The following PBX1 variants were observed in gnomAD, a reference collection of about 807,000 sequenced individuals.
PBX1 encodes PBX homeobox 1, also known as pre-B-cell leukemia transcription factor 1.
Under a neutral mutation model 53.4 loss-of-function variants are expected in PBX1, and 6 were observed. The observed-to-expected ratio is 0.11, with a 90% CI of 0.06 to 0.22. The LOEUF is 0.22. Ranked by LOEUF, PBX1 falls within the 10% of genes least tolerant of loss-of-function variation. The pLI is 1.00. For missense variants in PBX1, 251 were observed against 551.4 expected, an observed-to-expected ratio of 0.46 and a Z score of 5.46; for synonymous variants, 204 against 212.3, an observed-to-expected ratio of 0.96 and a Z score of 0.34.
intron 1 of PBX1, among the ~76,000 whole-genome samples, chr1:164,560,833 C>A (rs561309259): frequency 6.6e-6 from 1 of 152,258 alleles, no homozygotes; most frequent in South Asian, 2.1e-4. Flanking sequence ...ATCAAGCATG[C>A]TCTTTTCCCC....
intron 2 of PBX1, among the ~76,000 whole-genome samples, chr1:164,609,123 A>G (rs546631374): frequency 6.6e-6 from 1 of 152,180 alleles, no homozygotes; most frequent in Non-Finnish European, 1.5e-5. Context: ...CAGAGGTGTC[A>G]GACTTTTCAG....
chr1:164,629,765 A>T (rs1447133731), intron 2 of PBX1, among the ~76,000 whole-genome samples: 1 of 152,230 alleles, frequency 6.6e-6, no homozygotes, highest in Non-Finnish European at 1.5e-5. Flanking sequence ...TCATCTGGCA[A>T]ATGTGGACAG....
intron 3 of PBX1, among the ~76,000 whole-genome samples, chr1:164,793,872 C>CTTTTTTTTTT (rs72414989): frequency 3.1e-4 from 24 of 78,208 alleles, no homozygotes; most frequent in Non-Finnish European, 4.7e-4. Flanking sequence ...TTTTTCCTTT[C>CTTTTTTTTTT]TTTTTTTTTT....
At chr1:164,819,495 A>T (rs1337604330) in intron 6 of PBX1, 2 of 152,140 alleles carry the variant, frequency 1.3e-5, no homozygotes, top group African/African-American at 4.8e-5. Flanking sequence ...AAGAAATTTC[A>T]CCTTCATTTT....
At chr1:164,604,328 T>C (rs924617473) in intron 2 of PBX1, among the ~76,000 whole-genome samples, 8 of 152,234 alleles carry the variant, frequency 5.3e-5, no homozygotes, top group African/African-American at 1.9e-4. Context: ...GACCACACTA[T>C]GTTTGGTTGC....
chr1:164,835,370 G>T (rs1670987347), intron 8 of PBX1, among the ~76,000 whole-genome samples: 1 of 151,738 alleles, frequency 6.6e-6, no homozygotes, highest in African/African-American at 2.4e-5. Flanking sequence ...CAAAGGGTAT[G>T]CATAAGTTTA....
chr1:164,762,950 A>G (rs772767564), intron 2 of PBX1, among the ~76,000 whole-genome samples: 12 of 152,224 alleles, frequency 7.9e-5, no homozygotes, highest in Non-Finnish European at 1.5e-5. Context: ...CTGTACTAAT[A>G]TTGGTATAAT....
At chr1:164,726,293 G>A (rs1201344280) in intron 2 of PBX1, among the ~76,000 whole-genome samples, 1 of 152,156 alleles carries the variant, frequency 6.6e-6, no homozygotes, top group East Asian at 1.9e-4. Context: ...GTCTTTCCCT[G>A]CCATGGGTTT....
At chr1:164,768,002 C>G (rs937493387) in intron 2 of PBX1, among the ~76,000 whole-genome samples, 1 of 148,422 alleles carries the variant, frequency 6.7e-6, no homozygotes, top group African/African-American at 2.5e-5. Context: ...TCCATATATA[C>G]TTTTTTTTTT....
intron 2 of PBX1, among the ~76,000 whole-genome samples, chr1:164,606,601 A>G (rs755320694): frequency 1.5e-4 from 23 of 152,180 alleles, no homozygotes; most frequent in African/African-American, 3.9e-4. Context: ...GTATAAATCT[A>G]TGATATCTGA....
chr1:164,863,335 T>A (rs1001025185), intron 2 of PBX1, among the ~76,000 whole-genome samples: 4 of 152,212 alleles, frequency 2.6e-5, no homozygotes, highest in Non-Finnish European at 5.9e-5. Context: ...GATGTTTATT[T>A]CTTAAAGTCC....
intron 2 of PBX1, among the ~76,000 whole-genome samples, chr1:164,655,560 A>G (rs1660119590): frequency 6.6e-6 from 1 of 152,070 alleles, no homozygotes; most frequent in Admixed American, 6.5e-5. Flanking sequence ...AAGGATGACC[A>G]CCATTTCTTG....
At chr1:164,825,179 C>T (rs1670390520) in intron 8 of PBX1, among the ~76,000 whole-genome samples, 1 of 152,126 alleles carries the variant, frequency 6.6e-6, no homozygotes, top group Admixed American at 6.6e-5. Flanking sequence ...ATGCCATCTA[C>T]ACAAATGTCC....
intron 2 of PBX1, among the ~76,000 whole-genome samples, chr1:164,789,230 A>G (rs1331374804): frequency 1.3e-5 from 2 of 152,176 alleles, no homozygotes; most frequent in African/African-American, 4.8e-5. Flanking sequence ...AGGCCAAGAA[A>G]TGTATTAATT....
chr1:164,751,945 A>G (rs1666252897), intron 2 of PBX1, among the ~76,000 whole-genome samples: 1 of 152,124 alleles, frequency 6.6e-6, no homozygotes, highest in African/African-American at 2.4e-5. Context: ...ATGAATATTG[A>G]TAAATATGAC....
intron 2 of PBX1, among the ~76,000 whole-genome samples, chr1:164,870,266 C>CTTCCTTCCTTCCTTCT (rs71097553): frequency 4.4e-5 from 2 of 45,212 alleles, no homozygotes; most frequent in Non-Finnish European, 9.7e-5. Flanking sequence ...TCCTTCCTTC[C>CTTCCTTCCTTCCTTCT]TTCTTTCTTT....
At chr1:164,706,226 C>G (rs528472949) in intron 2 of PBX1, among the ~76,000 whole-genome samples, 1 of 152,318 alleles carries the variant, frequency 6.6e-6, no homozygotes, top group East Asian at 1.9e-4. Context: ...CTGTGGGTCA[C>G]TGGGCTCCTC....
intron 2 of PBX1, among the ~76,000 whole-genome samples, chr1:164,678,848 G>A (rs1000464137): frequency 2.0e-5 from 3 of 151,626 alleles, no homozygotes; most frequent in Non-Finnish European, 4.4e-5. Flanking sequence ...TTTCTCTTAG[G>A]GCATCTGTTA....
chr1:164,618,298 G>T (rs1257556046), intron 2 of PBX1, among the ~76,000 whole-genome samples: 1 of 2,906 alleles, frequency 3.4e-4, no homozygotes, highest in African/African-American at 6.2e-4. Flanking sequence ...TAATCACGGC[G>T]GGGGGGGGGG....
Sources: gnomAD v4.1 joint callset for allele counts (sites outside exome capture counted in the v4.1 genomes callset) on GRCh38, gnomAD v4.1.1 for gene constraint, MANE v1.5 for transcripts, NCBI Gene and HGNC (gene_info 2026-07-23, HGNC 2026-07-21) for gene names.